The following PATJ variants were observed in gnomAD, a reference collection of about 807,000 sequenced individuals.
PATJ encodes the protein inaD-like protein.
A neutral mutation model predicts 224.9 loss-of-function variants in PATJ; 190 were observed. The ratio of observed to expected loss-of-function variants is 0.84; its 90% CI spans 0.75 to 0.95. The LOEUF is 0.95. PATJ is among the 40% of genes least tolerant of loss of function. The pLI is 0.00. For missense variants in PATJ, 2,121 were observed against 2,270.3 expected, an observed-to-expected ratio of 0.93 and a Z score of 1.34; for synonymous variants, 769 against 820.3, an observed-to-expected ratio of 0.94 and a Z score of 1.07.
chr1:62,161,108 A>C lies in PATJ; in HGVS notation c.*54A>C. ...TGTTGTTTAGAATATCCACAGGCAGATGAAGTTCTGAGTGGGTATGAAAAG... is the reference window on the plus strand; with the variant it reads ...TGTTGTTTAGAATATCCACAGGCAGCTGAAGTTCTGAGTGGGTATGAAAAG... On this transcript the variant is annotated 3_prime_UTR_variant, in exon 44 of 44. Transcript: ENST00000642238. 7.4e-7 allele frequency: 1 copy of C among 1,348,242 alleles called. No homozygotes were observed. The highest frequency in any genetic ancestry group is 9.6e-7 in the Non-Finnish European group (1 of 1,046,168). 83.5% of individuals were successfully genotyped at this position (1,348,242 alleles called of 1,614,324 possible).
chr1:61,821,261 G>T (rs1381568125), intron 14 of PATJ, among the ~76,000 whole-genome samples: 1 of 152,008 alleles, frequency 6.6e-6, no homozygotes. Context: ...TAGCCAGGAT[G>T]GTCTCGATCA....
At chr1:61,875,215 A>C in intron 20 of PATJ, 28 bp from the exon 21 acceptor site, 2 of 1,474,886 alleles carry the variant, frequency 1.4e-6, no homozygotes, top group Non-Finnish European at 9.4e-7. Context: ...TAAAGTACTA[A>C]TGCATTTCTA....
chr1:61,774,676 A>G (rs1646817684), intron 6 of PATJ, among the ~76,000 whole-genome samples: 1 of 152,210 alleles, frequency 6.6e-6, no homozygotes, highest in Admixed American at 6.5e-5. Flanking sequence ...CCATTGTGTT[A>G]TCTGGCCTAG....
chr1:61,864,752 A>C, intron 20 of PATJ, 119 bp downstream of exon 20: 1 of 831,270 alleles, frequency 1.2e-6, no homozygotes, highest in Non-Finnish European at 1.8e-6. Flanking sequence ...GTAAGTCGTC[A>C]CTGTTTACAA....
At position 62,161,098 on chromosome 1, in the gene PATJ, C is replaced by T. The variant is rs1240875134; in HGVS notation, c.*44C>T. The T allele has an allele frequency of 4.4e-6, 6 of 1,364,132 alleles. No homozygotes were observed. Among genetic ancestry groups the T allele is most frequent in the Non-Finnish European group, 4.7e-6 (5 of 1,056,362 alleles). 84.5% of individuals were successfully genotyped at this position (1,364,132 alleles called of 1,614,324 possible). A position where few individuals can be genotyped will look rare whatever the true frequency, so the allele number is the denominator to read the frequency against. On this transcript the variant is annotated 3_prime_UTR_variant, in exon 44 of 44. Coordinates refer to ENST00000642238, the MANE Select transcript of PATJ (RefSeq NM_001350145.3). ...AGATAGATGTTGTTGTTTAGAATATCCACAGGCAGATGAAGTTCTGAGTGG... is the reference window on the plus strand; with the variant it reads ...AGATAGATGTTGTTGTTTAGAATATTCACAGGCAGATGAAGTTCTGAGTGG...
chr1:61,864,050 CT>C (rs1270522829), intron 19 of PATJ, among the ~76,000 whole-genome samples, 187 bp from the exon 20 acceptor site: 5 of 152,170 alleles, frequency 3.3e-5, no homozygotes, highest in African/African-American at 1.2e-4. Flanking sequence ...CTATTTGTCC[CT>C]CTTCTGGGTT....
chr1:61,867,434 G>A (rs2148970788), intron 20 of PATJ, among the ~76,000 whole-genome samples: 1 of 152,014 alleles, frequency 6.6e-6, no homozygotes, highest in Admixed American at 6.5e-5. Context: ...AAAATTTTCT[G>A]TTTACCGAAA....
chr1:61,756,478 C>G (rs191597501), intron 1 of PATJ, among the ~76,000 whole-genome samples: 3 of 150,400 alleles, frequency 2.0e-5, no homozygotes, highest in African/African-American at 7.3e-5. Context: ...TGTGTTTTAA[C>G]AAGCCCTACA....
At chr1:61,891,847 GAT>G (rs1341095108) in intron 22 of PATJ, among the ~76,000 whole-genome samples, 3 of 152,096 alleles carry the variant, frequency 2.0e-5, no homozygotes, top group Non-Finnish European at 2.9e-5. Context: ...CTCCAATGAA[GAT>G]AAGGAACATT....
At chr1:61,931,415 C>T (rs1423705068) in intron 27 of PATJ, among the ~76,000 whole-genome samples, 2 of 151,870 alleles carry the variant, frequency 1.3e-5, no homozygotes. Context: ...AAAATAAAAA[C>T]AAAACATGAT....
chr1:62,003,727 G>A (rs1397183941), intron 28 of PATJ, among the ~76,000 whole-genome samples: 1 of 152,112 alleles, frequency 6.6e-6, no homozygotes, highest in Non-Finnish European at 1.5e-5. Context: ...TGAGTTTCAG[G>A]CATCTGCCCT....
In PATJ at chr1:62,116,535, T is replaced by C; in HGVS notation, c.4659T>C (p.Asn1553=). ...CACTGCTGTATGGTATTAACAGAAA[T>C]GGAAGCGGAGTGTTTATTTCTGACA... ...GLGLSIVGKR[N]GSGVFISDIV... is the part of the protein sequence containing the mutation. Residue 1553 remains asparagine, a synonymous_variant, in exon 36 of 44, where the codon AAT becomes AAC. Transcript: ENST00000642238. 1.2e-6 allele frequency: 2 copies of C among 1,613,914 alleles called. No homozygotes were observed. The highest frequency in any genetic ancestry group is 1.7e-6 in the Non-Finnish European group (2 of 1,179,936).
chr1:61,937,472 T>C (rs1677058305), intron 27 of PATJ, among the ~76,000 whole-genome samples: 1 of 152,126 alleles, frequency 6.6e-6, no homozygotes, highest in Non-Finnish European at 1.5e-5. Flanking sequence ...AAACTAAGTG[T>C]ATTACAGATT....
intron 7 of PATJ, among the ~76,000 whole-genome samples, chr1:61,778,507 T>C (rs899048590): frequency 1.3e-5 from 2 of 152,150 alleles, no homozygotes; most frequent in African/African-American, 4.8e-5. Flanking sequence ...TATCAAAGAA[T>C]AGGCTGAAAG....
At position 61,795,510 on chromosome 1, in the gene PATJ, T is replaced by G. The variant is rs1650893922; in HGVS notation, c.1212T>G (p.Ser404Arg). Reference protein sequence around the residue: ...GIYVKSIIPGSAAYHNGHIQV... With the variant: ...GIYVKSIIPGRAAYHNGHIQV... ...ATGTGAAAAGTATAATACCTGGCAG[T>G]GCTGCGTACCACAATGGCCACATTC... The change falls in exon 10 of 44, where the codon AGT (serine) becomes AGG (arginine). Residue 404 changes from serine (S) to arginine (R), a missense_variant. By Grantham distance (110) the Ser-to-Arg change is moderately radical. Transcript: ENST00000642238. 3.1e-6 allele frequency: 5 copies of G among 1,611,250 alleles called. No homozygotes were observed. The highest frequency in any genetic ancestry group is 4.2e-6 in the Non-Finnish European group (5 of 1,178,014).
At chr1:61,883,757 T>TAA (rs66752201) in intron 21 of PATJ, among the ~76,000 whole-genome samples, 53 of 113,908 alleles carry the variant, frequency 4.7e-4, no homozygotes, top group African/African-American at 9.9e-4. Context: ...CTCCGTCTCT[T>TAA]AAAAAAAAAA....
At chr1:62,048,545 CAAAAAAAAAAAAA>C (rs773157635) in intron 30 of PATJ, among the ~76,000 whole-genome samples, 29 of 66,196 alleles carry the variant, frequency 4.4e-4, no homozygotes, top group African/African-American at 1.0e-3. Flanking sequence ...GACTCTGTCT[CAAAAAAAAAAAAA>C]AAAAAAAAAA....
chr1:61,945,643 C>A (rs560564781), intron 27 of PATJ, among the ~76,000 whole-genome samples: 219 of 149,358 alleles, frequency 1.5e-3, no homozygotes, highest in Admixed American at 5.1e-3. Context: ...GACTTTAACA[C>A]CCCACTGTCA....
Position 61,984,160 on chromosome 1 carries a change from TA to T in PATJ, c.3671-6007del, listed in dbSNP as rs796331808. ...ATGAAATACGCTCAATTATTATTAT[TA>T]TTATTTTTTTTTTTTTTGAGGCAGA... On this transcript the variant is annotated intron_variant, in intron 27 of 43. Transcript: ENST00000642238. Among the ~76,000 whole-genome samples, 179 of 130,102 alleles carry T rather than the reference TA, an allele frequency of 1.4e-3. 2 individuals carry two copies. Among genetic ancestry groups the T allele is most frequent in the African/African-American group, 5.1e-3 (164 of 32,350 alleles). The allele number at this position is 130,102 out of a possible 152,430, so 85.4% of individuals were successfully genotyped here. A position where few individuals can be genotyped will look rare whatever the true frequency, so the allele number is the denominator to read the frequency against.
Sources: gnomAD v4.1 joint callset for allele counts (sites outside exome capture counted in the v4.1 genomes callset) on GRCh38, gnomAD v4.1.1 for gene constraint, MANE v1.5 for transcripts, NCBI Gene and HGNC (gene_info 2026-07-23, HGNC 2026-07-21) for gene names.